Variants in CDH12 observed in about 807,000 individuals in gnomAD.
The protein encoded by CDH12 is cadherin-12.
CDH12 carries 41 observed loss-of-function variants against 74.1 expected under a neutral mutation model. That is an observed-to-expected ratio of 0.55 (90% CI 0.43 to 0.72). The LOEUF (loss-of-function observed/expected upper bound fraction) is 0.72. CDH12 is among the 30% of genes least tolerant of loss of function. CDH12 has a pLI of 0.00. For synonymous variants in CDH12, 399 were observed against 355.0 expected, an observed-to-expected ratio of 1.12 and a Z score of -1.39; for missense variants, 945 against 977.2, an observed-to-expected ratio of 0.97 and a Z score of 0.44.
chr5:22,601,468 A>G (rs933904472), intron 1 of CDH12, among the ~76,000 whole-genome samples: 1 of 152,100 alleles, frequency 6.6e-6, no homozygotes, highest in African/African-American at 2.4e-5. Flanking sequence ...AAGTGACACT[A>G]AAGTACACAT....
intron 5 of CDH12, among the ~76,000 whole-genome samples, chr5:22,059,706 A>G (rs2150204351): frequency 6.6e-6 from 1 of 152,278 alleles, no homozygotes; most frequent in Non-Finnish European, 1.5e-5. Flanking sequence ...TCATGTGAAT[A>G]TTTCCAAACC....
At chr5:22,404,949 C>G (rs1742876825) in intron 3 of CDH12, among the ~76,000 whole-genome samples, 1 of 152,164 alleles carries the variant, frequency 6.6e-6, no homozygotes, top group Non-Finnish European at 1.5e-5. Flanking sequence ...GTGGCTCACG[C>G]CTATAATTCC....
rs377660503 is a variant in CDH12, at chr5:21,816,989, C to A, written c.958G>T (p.Val320Phe). 6.2e-7 allele frequency: 1 copy of A among 1,612,008 alleles called. No homozygotes were observed. Among genetic ancestry groups the A allele is most frequent in the African/African-American group, 1.3e-5 (1 of 74,718 alleles). ...CCCTCTTGTGTATCCTCATCTGTGA[C>A]GATGTCAAACAAATTTCCCCCATCT... is the stretch of plus-strand genomic sequence containing the variant. Reference protein sequence around the residue: ...PGDGGNLFDIVTDEDTQEGVI... With the variant: ...PGDGGNLFDIFTDEDTQEGVI... Residue 320 changes from valine (V) to phenylalanine (F), a missense_variant, in exon 9 of 15, where the codon GTC becomes TTC. By Grantham distance (50) the Val-to-Phe change is conservative. Transcript: ENST00000382254.
chr5:22,724,187 G>C (rs556517062), intron 1 of CDH12, among the ~76,000 whole-genome samples: 1 of 151,386 alleles, frequency 6.6e-6, no homozygotes, highest in East Asian at 1.9e-4. Flanking sequence ...CCCTAAACTT[G>C]TATTTTGATG....
At chr5:22,351,383 T>A (rs1235532266) in intron 3 of CDH12, among the ~76,000 whole-genome samples, 1 of 152,138 alleles carries the variant, frequency 6.6e-6, no homozygotes, top group Non-Finnish European at 1.5e-5. Context: ...CCAACTCAAC[T>A]GGGCTAGCTA....
chr5:22,794,933 G>GTT (rs1201433946), intron 1 of CDH12, among the ~76,000 whole-genome samples: 1 of 151,948 alleles, frequency 6.6e-6, no homozygotes, highest in Non-Finnish European at 1.5e-5. Flanking sequence ...ATGTTTTGAT[G>GTT]TTATATATAT....
At chr5:22,710,607 C>T (rs1315084521) in intron 1 of CDH12, among the ~76,000 whole-genome samples, 1 of 152,126 alleles carries the variant, frequency 6.6e-6, no homozygotes, top group Non-Finnish European at 1.5e-5. Flanking sequence ...TATGTTCTAA[C>T]TTCAGATGCA....
intron 5 of CDH12, among the ~76,000 whole-genome samples, chr5:22,041,194 A>G (rs1196348136): frequency 6.6e-6 from 1 of 152,128 alleles, no homozygotes; most frequent in African/African-American, 2.4e-5. Flanking sequence ...GCAGATGCAC[A>G]AATGTTTAAA....
At chr5:22,646,928 TAA>T (rs1033063324) in intron 1 of CDH12, among the ~76,000 whole-genome samples, 1 of 151,950 alleles carries the variant, frequency 6.6e-6, no homozygotes, top group Non-Finnish European at 1.5e-5. Context: ...ATATTTCAAA[TAA>T]GTGATCACTT....
chr5:22,531,181 A>C (rs1737566573), intron 1 of CDH12, among the ~76,000 whole-genome samples: 1 of 152,202 alleles, frequency 6.6e-6, no homozygotes, highest in South Asian at 2.1e-4. Flanking sequence ...AAATAATTGC[A>C]GCACAATTTA....
At chr5:22,535,948 C>A (rs1001265769) in intron 1 of CDH12, among the ~76,000 whole-genome samples, 1 of 152,172 alleles carries the variant, frequency 6.6e-6, no homozygotes, top group Non-Finnish European at 1.5e-5. Context: ...ATTCCCTAAA[C>A]AATAGAGTAT....
chr5:22,444,711 T>C (rs1744752225), intron 2 of CDH12, among the ~76,000 whole-genome samples: 1 of 152,036 alleles, frequency 6.6e-6, no homozygotes. Flanking sequence ...TATTGAGACT[T>C]TTAAACAGAA....
At chr5:22,441,716 A>AT (rs1031419142) in intron 2 of CDH12, among the ~76,000 whole-genome samples, 8 of 152,036 alleles carry the variant, frequency 5.3e-5, no homozygotes, top group Non-Finnish European at 7.4e-5. Flanking sequence ...ATTATTATTT[A>AT]TTTTTTTCAA....
At chr5:22,566,828 G>A (rs566943071) in intron 1 of CDH12, among the ~76,000 whole-genome samples, 1 of 152,230 alleles carries the variant, frequency 6.6e-6, no homozygotes, top group African/African-American at 2.4e-5. Context: ...ATGTCTCATT[G>A]CTATGGTCGC....
At chr5:22,009,727 C>T (rs1185528555) in intron 5 of CDH12, among the ~76,000 whole-genome samples, 1 of 151,830 alleles carries the variant, frequency 6.6e-6, no homozygotes, top group Non-Finnish European at 1.5e-5. Context: ...CCTGTAATCC[C>T]TGCACTTTGG....
At chr5:22,305,493 C>A (rs1738065442) in intron 3 of CDH12, among the ~76,000 whole-genome samples, 1 of 152,152 alleles carries the variant, frequency 6.6e-6, no homozygotes, top group South Asian at 2.1e-4. Context: ...GCCACGCTGG[C>A]TCCATGAAGC....
At chr5:22,243,536 G>C (rs1350962974) in intron 3 of CDH12, among the ~76,000 whole-genome samples, 1 of 152,050 alleles carries the variant, frequency 6.6e-6, no homozygotes, top group South Asian at 2.1e-4. Flanking sequence ...AACAAAAAAA[G>C]GTATGCGGAA....
chr5:22,129,547 G>T (rs1746066553), intron 4 of CDH12, among the ~76,000 whole-genome samples: 1 of 152,010 alleles, frequency 6.6e-6, no homozygotes, highest in South Asian at 2.1e-4. Context: ...AAACAAAATT[G>T]ACAAAAAGTG....
At chr5:21,925,666 TAC>T (rs1370776332) in intron 6 of CDH12, among the ~76,000 whole-genome samples, 2 of 152,348 alleles carry the variant, frequency 1.3e-5, no homozygotes, top group African/African-American at 2.4e-5. Context: ...TGCATATATT[TAC>T]AGTCTTTAGG....
Sources: gnomAD v4.1 joint callset for allele counts (sites outside exome capture counted in the v4.1 genomes callset) on GRCh38, gnomAD v4.1.1 for gene constraint, MANE v1.5 for transcripts, NCBI Gene and HGNC (gene_info 2026-07-23, HGNC 2026-07-21) for gene names.